Variants in CTNNA3 observed in about 807,000 individuals in gnomAD.
CTNNA3 encodes the protein catenin alpha-3.
CTNNA3 carries 76 observed loss-of-function variants against 95.7 expected under a neutral mutation model. The observed-to-expected ratio is 0.79, with a 90% CI of 0.66 to 0.96. The LOEUF is 0.96. CTNNA3 is among the 40% of genes least tolerant of loss of function. CTNNA3 has a pLI of 0.00. For synonymous variants in CTNNA3, 431 were observed against 374.4 expected, an observed-to-expected ratio of 1.15 and a Z score of -1.74; for missense variants, 1,191 against 1,089.8, an observed-to-expected ratio of 1.09 and a Z score of -1.31.
chr10:66,690,516 C>T (rs1263120940), intron 9 of CTNNA3, among the ~76,000 whole-genome samples: 1 of 150,672 alleles, frequency 6.6e-6, no homozygotes, highest in Non-Finnish European at 1.5e-5. Context: ...TGATGTTCCC[C>T]TTCCTGTGTC....
At chr10:66,293,111 T>G (rs888029387) in intron 12 of CTNNA3, among the ~76,000 whole-genome samples, 1 of 152,186 alleles carries the variant, frequency 6.6e-6, no homozygotes, top group Non-Finnish European at 1.5e-5. Context: ...TGTCTAAAAC[T>G]GCATAGCTAG....
chr10:67,504,447 A>AAAG (rs1564699286), intron 5 of CTNNA3, among the ~76,000 whole-genome samples: 1 of 149,918 alleles, frequency 6.7e-6, no homozygotes, highest in African/African-American at 2.4e-5. Flanking sequence ...AAAAAAAAAA[A>AAAG]AAAAAAAAAA....
At chr10:66,694,504 C>A (rs935881741) in intron 9 of CTNNA3, among the ~76,000 whole-genome samples, 5 of 152,032 alleles carry the variant, frequency 3.3e-5, no homozygotes, top group African/African-American at 9.7e-5. Flanking sequence ...CAGGACCAGA[C>A]GGATTCACAG....
At chr10:66,814,848 AT>A (rs1366087392) in intron 7 of CTNNA3, among the ~76,000 whole-genome samples, 2 of 128,226 alleles carry the variant, frequency 1.6e-5, no homozygotes, top group Admixed American at 1.9e-4. Flanking sequence ...AAAAGTTAGC[AT>A]TCTTTTTTTT....
intron 4 of CTNNA3, among the ~76,000 whole-genome samples, chr10:67,530,775 C>T (rs1417835764): frequency 6.6e-6 from 1 of 152,200 alleles, no homozygotes; most frequent in Non-Finnish European, 1.5e-5. Context: ...TGTCAGAGGA[C>T]TTCCCAGCAG....
intron 5 of CTNNA3, among the ~76,000 whole-genome samples, chr10:67,242,730 G>A (rs956514318): frequency 6.6e-6 from 1 of 152,136 alleles, no homozygotes; most frequent in African/African-American, 2.4e-5. Flanking sequence ...GCATGTCTCC[G>A]GGCCTGATGA....
chr10:66,530,696 A>G (rs1841435657), intron 10 of CTNNA3, among the ~76,000 whole-genome samples: 1 of 152,130 alleles, frequency 6.6e-6, no homozygotes, highest in South Asian at 2.1e-4. Context: ...ATGAAACTGC[A>G]TTCAACTTTG....
At chr10:66,401,518 A>AAAACAC in intron 11 of CTNNA3, among the ~76,000 whole-genome samples, 1 of 143,912 alleles carries the variant, frequency 6.9e-6, no homozygotes, top group East Asian at 2.1e-4. Flanking sequence ...TGTGTCTCAA[A>AAAACAC]ACACACACAC....
At chr10:67,556,178 G>C (rs188164703) in intron 3 of CTNNA3, among the ~76,000 whole-genome samples, 1 of 152,264 alleles carries the variant, frequency 6.6e-6, no homozygotes, top group East Asian at 1.9e-4. Context: ...GAGGATTTGT[G>C]CATCGATGTT....
At chr10:67,417,656 T>A (rs962910356) in intron 5 of CTNNA3, among the ~76,000 whole-genome samples, 1 of 152,112 alleles carries the variant, frequency 6.6e-6, no homozygotes, top group African/African-American at 2.4e-5. Context: ...CATATACAAA[T>A]CCAATTAAAT....
chr10:65,944,296 C>T (rs1396598025), intron 17 of CTNNA3, among the ~76,000 whole-genome samples: 1 of 152,254 alleles, frequency 6.6e-6, no homozygotes, highest in South Asian at 2.1e-4. Flanking sequence ...TTTTAGCATA[C>T]TCCGAGGCAC....
intron 7 of CTNNA3, among the ~76,000 whole-genome samples, chr10:66,864,689 A>G (rs1259036215): frequency 6.6e-6 from 1 of 152,270 alleles, no homozygotes; most frequent in East Asian, 1.9e-4. Flanking sequence ...ATAAAAAAAA[A>G]GTTTCTATTT....
At chr10:67,167,690 A>T (rs1234366081) in intron 7 of CTNNA3, among the ~76,000 whole-genome samples, 1 of 152,228 alleles carries the variant, frequency 6.6e-6, no homozygotes, top group Non-Finnish European at 1.5e-5. Context: ...TTCCTTTCCA[A>T]TATACAAGTA....
At chr10:66,145,514 G>T (rs1367778938) in intron 13 of CTNNA3, among the ~76,000 whole-genome samples, 1 of 152,152 alleles carries the variant, frequency 6.6e-6, no homozygotes, top group Admixed American at 6.5e-5. Flanking sequence ...CATTTATAGA[G>T]AAAGTGGGGA....
chr10:67,577,725 T>C (rs550625356), intron 3 of CTNNA3, among the ~76,000 whole-genome samples: 2 of 149,946 alleles, frequency 1.3e-5, no homozygotes, highest in Non-Finnish European at 2.9e-5. Flanking sequence ...TGTGTGTGTA[T>C]ATATACTACA....
Position 66,407,962 on chromosome 10 carries a change from T to G in CTNNA3, c.1532-28610A>C, listed in dbSNP as rs115438269. Among the ~76,000 whole-genome samples, 760 of 152,330 alleles carry G rather than the reference T, an allele frequency of 5.0e-3. 16 individuals are homozygous for G. The highest frequency in any genetic ancestry group is 0.018 in the African/African-American group (738 of 41,582). ...AAATTATAGTCCTTCCTGGTATCAA[T>G]GCAGAGTTTGTTCTACAACCCCAAC... On this transcript the variant is annotated intron_variant, in intron 11 of 17. Coordinates refer to ENST00000433211, the MANE Select transcript of CTNNA3 (RefSeq NM_013266.4).
chr10:66,687,950 T>C (rs1315960369), intron 9 of CTNNA3, among the ~76,000 whole-genome samples: 2 of 152,242 alleles, frequency 1.3e-5, no homozygotes, highest in South Asian at 2.1e-4. Flanking sequence ...TGTTGAAGAT[T>C]TTAGATTTGC....
intron 7 of CTNNA3, among the ~76,000 whole-genome samples, chr10:66,864,037 G>C (rs932717677): frequency 9.9e-5 from 15 of 152,004 alleles, no homozygotes; most frequent in Non-Finnish European, 1.9e-4. Context: ...TATTTCATGA[G>C]TCATATTAAG....
rs1403116208 is a variant in CTNNA3 at position 66,044,356 on chromosome 10, C to G, written c.2159+24952G>C. Reference sequence around the variant, plus strand: ...AATGTTTATATTTATCCAGAAAAATCAAAAGCAAATCAAACAAATGCTTAT... The same window carrying G: ...AATGTTTATATTTATCCAGAAAAATGAAAAGCAAATCAAACAAATGCTTAT... On this transcript the variant is annotated intron_variant, in intron 15 of 17. Coordinates refer to ENST00000433211, the MANE Select transcript of CTNNA3 (RefSeq NM_013266.4). Among the ~76,000 whole-genome samples the G allele has an allele frequency of 2.0e-5, 3 of 151,872 alleles. No homozygotes were observed. The South Asian group carries it at 6.2e-4, about 31-fold the overall frequency.
Sources: allele counts gnomAD v4.1 joint callset (sites outside exome capture counted in the v4.1 genomes callset), GRCh38; gene constraint gnomAD v4.1.1; transcripts MANE v1.5; gene names NCBI Gene and HGNC (gene_info 2026-07-23, HGNC 2026-07-21).